Variants in GALNT1 observed in about 807,000 individuals in gnomAD.
The protein encoded by GALNT1 is polypeptide N-acetylgalactosaminyltransferase 1.
A neutral mutation model predicts 65.7 loss-of-function variants in GALNT1; 17 were observed. That is an observed-to-expected ratio of 0.26 (90% CI 0.18 to 0.39). GALNT1 has a LOEUF of 0.39. Ranked by LOEUF, GALNT1 falls within the 10% of genes least tolerant of loss-of-function variation. GALNT1 has a pLI of 1.00. For missense variants in GALNT1, 460 were observed against 672.8 expected (o/e 0.68, Z 3.50); for synonymous variants, 210 against 219.7 (o/e 0.96, Z 0.39).
rs574389839 is a variant in GALNT1, at chr18:35,695,239, G to A, written c.1299+2919G>A. Among the ~76,000 whole-genome samples the A allele has an allele frequency of 2.0e-5, 3 of 151,990 alleles. No homozygotes were observed. In the South Asian group the frequency reaches 6.3e-4, roughly 32 times the overall value. ...GTGTCATGTATTTGGGTGGATAGGA[G>A]GTGAAATCTGTACACAAGTAGAGGG... On this transcript the variant is annotated intron_variant, in intron 9 of 11. Transcript: ENST00000269195.
intron 11 of GALNT1, among the ~76,000 whole-genome samples, chr18:35,703,905 TGTCTTCAAGTTCTATA>T: frequency 6.6e-6 from 1 of 152,356 alleles, no homozygotes; most frequent in East Asian, 1.9e-4. Flanking sequence ...TCCTTCTGTA[TGTCTTCAAGTTCTATA>T]GTCTAGTTTG....
At chr18:35,605,939 G>T (rs575484204) in intron 1 of GALNT1, among the ~76,000 whole-genome samples, 23 of 152,232 alleles carry the variant, frequency 1.5e-4, no homozygotes, top group African/African-American at 5.1e-4. Flanking sequence ...CTTTGTATTA[G>T]CAGTTCTGGC....
chr18:35,620,052 C>T (rs983825249), intron 1 of GALNT1, among the ~76,000 whole-genome samples: 1 of 152,114 alleles, frequency 6.6e-6, no homozygotes, highest in Admixed American at 6.6e-5. Flanking sequence ...CCCTCTTCCC[C>T]CACAAAAAGG....
intron 1 of GALNT1, among the ~76,000 whole-genome samples, chr18:35,638,553 T>C (rs1381638970): frequency 3.9e-5 from 6 of 152,194 alleles, no homozygotes; most frequent in African/African-American, 1.4e-4. Context: ...TAGATCAGTT[T>C]CTTTACATCT....
intron 1 of GALNT1, among the ~76,000 whole-genome samples, chr18:35,588,644 T>C (rs978797923): frequency 6.6e-6 from 1 of 152,200 alleles, no homozygotes; most frequent in East Asian, 1.9e-4. Context: ...TTCTCTCTTA[T>C]TCATATTGGG....
chr18:35,603,486 G>T (rs1245229363), intron 1 of GALNT1, among the ~76,000 whole-genome samples: 1 of 152,126 alleles, frequency 6.6e-6, no homozygotes, highest in Non-Finnish European at 1.5e-5. Context: ...CCAGATTGCT[G>T]CAATTTTGGT....
intron 11 of GALNT1, among the ~76,000 whole-genome samples, chr18:35,708,902 A>G (rs1241714491): frequency 2.0e-5 from 3 of 152,232 alleles, no homozygotes; most frequent in Admixed American, 2.0e-4. Flanking sequence ...AAATCTGCTC[A>G]AAATATGTAA....
chr18:35,693,570 G>C (rs1045525167), intron 9 of GALNT1, among the ~76,000 whole-genome samples: 3 of 152,184 alleles, frequency 2.0e-5, no homozygotes, highest in African/African-American at 7.2e-5. Context: ...TATTGTTGAA[G>C]AGAGTAAAGG....
intron 1 of GALNT1, among the ~76,000 whole-genome samples, chr18:35,624,470 G>A (rs749895408): frequency 2.6e-5 from 4 of 151,992 alleles, no homozygotes; most frequent in East Asian, 1.9e-4. Context: ...TGTATGTCTC[G>A]TAAATAGCAT....
At chr18:35,609,901 C>T (rs543885904) in intron 1 of GALNT1, among the ~76,000 whole-genome samples, 2 of 152,266 alleles carry the variant, frequency 1.3e-5, no homozygotes, top group African/African-American at 2.4e-5. Flanking sequence ...GGTTGTTCTT[C>T]AGTATACATT....
intron 1 of GALNT1, among the ~76,000 whole-genome samples, chr18:35,652,196 T>C (rs114237725): frequency 5.8e-4 from 88 of 152,330 alleles, no homozygotes; most frequent in African/African-American, 2.1e-3. Flanking sequence ...GAGCAAGCCT[T>C]CTGTGACCTC....
At chr18:35,620,781 CTTTT>C (rs75570628) in intron 1 of GALNT1, among the ~76,000 whole-genome samples, 1 of 142,146 alleles carries the variant, frequency 7.0e-6, no homozygotes. Context: ...TAGGTTGTTA[CTTTT>C]TTTTTTTTTG....
chr18:35,702,000 C>T (rs2048172606), intron 9 of GALNT1, among the ~76,000 whole-genome samples: 1 of 152,116 alleles, frequency 6.6e-6, no homozygotes, highest in Admixed American at 6.6e-5. Context: ...TGACATTACC[C>T]CCCCAGTTCC....
intron 1 of GALNT1, among the ~76,000 whole-genome samples, chr18:35,605,016 A>G (rs1357995627): frequency 6.6e-6 from 1 of 152,180 alleles, no homozygotes; most frequent in African/African-American, 2.4e-5. Flanking sequence ...TTCATCTCAG[A>G]TATTCTTTAA....
chr18:35,680,994 A>G (rs2144595780), intron 4 of GALNT1, among the ~76,000 whole-genome samples: 1 of 152,326 alleles, frequency 6.6e-6, no homozygotes, highest in Non-Finnish European at 1.5e-5. Context: ...TTCATTTTAT[A>G]CAAAAAGCAG....
At chr18:35,679,132 C>A (rs1016978957) in intron 4 of GALNT1, among the ~76,000 whole-genome samples, 1 of 152,034 alleles carries the variant, frequency 6.6e-6, no homozygotes, top group African/African-American at 2.4e-5. Context: ...GAAGTATAAA[C>A]CTTATGTGGA....
intron 1 of GALNT1, among the ~76,000 whole-genome samples, chr18:35,601,967 G>C (rs907933625): frequency 2.6e-5 from 4 of 152,158 alleles, no homozygotes; most frequent in Non-Finnish European, 5.9e-5. Flanking sequence ...TTACCAGTGA[G>C]CTTTATACCT....
At chr18:35,649,139 T>G (rs918278850) in intron 1 of GALNT1, among the ~76,000 whole-genome samples, 1 of 152,228 alleles carries the variant, frequency 6.6e-6, no homozygotes, top group Non-Finnish European at 1.5e-5. Context: ...GAAACTCCCC[T>G]GTTTTCCAGA....
intron 1 of GALNT1, among the ~76,000 whole-genome samples, chr18:35,652,186 G>A (rs1219259003): frequency 1.3e-5 from 2 of 152,174 alleles, no homozygotes; most frequent in African/African-American, 4.8e-5. Flanking sequence ...TTACAGAGAT[G>A]AGCAAGCCTT....
Sources: gnomAD v4.1 joint callset for allele counts (sites outside exome capture counted in the v4.1 genomes callset) on GRCh38, gnomAD v4.1.1 for gene constraint, MANE v1.5 for transcripts, NCBI Gene and HGNC (gene_info 2026-07-23, HGNC 2026-07-21) for gene names.